STING1: variants seen among roughly 807,000 people sequenced by gnomAD.
STING1 encodes the protein stimulator of interferon genes protein.
In STING1, 19 loss-of-function variants were observed where a neutral mutation model predicts 31.6. That is an observed-to-expected ratio of 0.60 (90% CI 0.42 to 0.88). The LOEUF (loss-of-function observed/expected upper bound fraction) is 0.88. Ranked by LOEUF, STING1 falls within the 40% of genes least tolerant of loss-of-function variation. The probability of loss-of-function intolerance (pLI) is 0.00; values close to 1 mark genes in which losing one functional copy is unlikely to be tolerated. For missense variants in STING1, 371 were observed against 483.7 expected, an observed-to-expected ratio of 0.77 and a Z score of 2.19; for synonymous variants, 200 against 208.6, an observed-to-expected ratio of 0.96 and a Z score of 0.35.
At chr5:139,477,134 G>C (rs1359866816) in intron 7 of STING1, among the ~76,000 whole-genome samples, 195 bp downstream of exon 7, 1 of 152,072 alleles carries the variant, frequency 6.6e-6, no homozygotes, top group Non-Finnish European at 1.5e-5. Flanking sequence ...ACCTCTTCAG[G>C]CTCCCCTGAG....
At chr5:139,477,614 G>A in intron 6 of STING1, 99 bp from the exon 7 acceptor site, 1 of 1,224,562 alleles carries the variant, frequency 8.2e-7, no homozygotes, top group Non-Finnish European at 1.1e-6. Flanking sequence ...CACGGGCTGA[G>A]GCCCCACTCC....
rs766293227 is a variant in STING1, at chr5:139,476,255, TGG to T, written c.*4_*5del. On this transcript the variant is annotated 3_prime_UTR_variant, in exon 8 of 8. Coordinates refer to ENST00000330794, the MANE Select transcript of STING1 (RefSeq NM_198282.4). ...ACTGGAGGCTCTGGCCTGGTGACCC[TGG>T]GTCTCAAGAGAAATCCGTGCGGAGA... 31 of 1,567,696 alleles carry T rather than the reference TGG, an allele frequency of 2.0e-5. No individual in the cohort carries two copies. The East Asian group carries it at 7.3e-4, about 37-fold the overall frequency.
At position 139,481,306 on chromosome 5, in the gene STING1, G is replaced by T; in HGVS notation, c.264C>A (p.Cys88Ter). ...CCCCACGGCGGAGGGGGCAGCCCAG[G>T]CAGGCCCGCACAGTCCTCCAGTAGC... ...RGSYWRTVRA[C>*]LGCPLRRGAL... Residue 88 changes from cysteine to a stop codon, truncating the protein, a stop_gained, in exon 4 of 8, where the codon TGC becomes TGA. Coordinates refer to ENST00000330794, the MANE Select transcript of STING1 (RefSeq NM_198282.4). LOFTEE classifies it high-confidence loss of function. The surrounding 1 kb of genome is among the most constrained non-coding windows in gnomAD (Gnocchi z 4.1). The T allele has an allele frequency of 2.5e-6, 4 of 1,608,346 alleles. No homozygotes were observed. The highest frequency in any genetic ancestry group is 3.4e-6 in the Non-Finnish European group (4 of 1,177,176).
At chr5:139,480,700 G>T in intron 5 of STING1, 90 bp downstream of exon 5, 1 of 792,912 alleles carries the variant, frequency 1.3e-6, no homozygotes, top group Non-Finnish European at 2.1e-6. Flanking sequence ...GAAAAATATA[G>T]TGAGTTCTGT....
At chr5:139,476,552 T>C in intron 7 of STING1, 98 bp from the exon 8 acceptor site, 1 of 1,104,036 alleles carries the variant, frequency 9.1e-7, no homozygotes, top group Non-Finnish European at 1.3e-6. Flanking sequence ...TAACCCTCCC[T>C]ACCCCCCTTC....
intron 1 of STING1, 94 bp from the exon 2 acceptor site, chr5:139,482,396 G>C (rs1751883354): frequency 6.6e-6 from 1 of 152,224 alleles, no homozygotes; most frequent in Admixed American, 6.5e-5. Flanking sequence ...TGGGAAGGAG[G>C]GTATTTCCTG....
In STING1 at chr5:139,479,679, G is replaced by T. The variant is rs575668316; in HGVS notation, c.520+1111C>A. The stretch of plus-strand genomic sequence containing the variant: ...ATTGTGCCACTCTACTTCAGCCCGG[G>T]TGAAAAAGTGAAACTCCATCTTAAA... On this transcript the variant is annotated intron_variant, in intron 5 of 7. Transcript: ENST00000330794. 4.5e-4 allele frequency among the ~76,000 whole-genome samples: 67 copies of T among 149,286 alleles called. 1 individual carries two copies. The highest frequency in any genetic ancestry group is 3.5e-3 in the Admixed American group (52 of 14,864).
At chr5:139,478,674 C>T in intron 5 of STING1, 166 bp from the exon 6 acceptor site, 1 of 634,402 alleles carries the variant, frequency 1.6e-6, no homozygotes, top group African/African-American at 1.8e-5. Context: ...CCTCCAAAAG[C>T]CCTCCCCACC....
At chr5:139,476,513 T>G in intron 7 of STING1, 59 bp from the exon 8 acceptor site, 1 of 1,505,752 alleles carries the variant, frequency 6.6e-7, no homozygotes, top group Non-Finnish European at 9.1e-7. Flanking sequence ...CACTCAAACA[T>G]ACCTAGAGAA....
chr5:139,478,320 C>A lies in STING1; in HGVS notation c.709G>T (p.Asp237Tyr), dbSNP rs1291110297. 7.4e-6 allele frequency: 12 copies of A among 1,614,138 alleles called. No individual in the cohort carries two copies. The highest frequency in any genetic ancestry group is 3.3e-4 in the Middle Eastern group (2 of 6,062). Residue 237 changes from aspartate (D) to tyrosine (Y), a missense_variant, in exon 6 of 8, where the codon GAT (aspartate) becomes TAT (tyrosine). Coordinates refer to ENST00000330794, the MANE Select transcript of STING1 (RefSeq NM_198282.4). ...QQTGDHAGIK[D>Y]RVYSNSIYEL... ...TAGATGCTGTTGCTGTAAACCCGAT[C>A]CTTGATGCCAGCATGGTCACCGGTC... is the stretch of plus-strand genomic sequence containing the variant.
At chr5:139,480,503 C>CCACT (rs1259076654) in intron 5 of STING1, among the ~76,000 whole-genome samples, 2 of 152,098 alleles carry the variant, frequency 1.3e-5, no homozygotes, top group African/African-American at 4.8e-5. Context: ...CGAGATGGTA[C>CCACT]CACTGCACTC....
intron 5 of STING1, among the ~76,000 whole-genome samples, chr5:139,480,003 CAAAA>C (rs552338116): frequency 3.5e-3 from 311 of 89,006 alleles, no homozygotes; most frequent in Non-Finnish European, 5.2e-3. Flanking sequence ...GACTTTGTCT[CAAAA>C]AAAAAAAAAA....
At position 139,478,513 on chromosome 5, in the gene STING1, G is replaced by T; in HGVS notation, c.521-5C>A. 6.2e-7 allele frequency: 1 copy of T among 1,613,162 alleles called. No individual in the cohort carries two copies. The highest frequency in any genetic ancestry group is 8.5e-7 in the Non-Finnish European group (1 of 1,179,370). On this transcript the variant is annotated splice_region_variant and splice_polypyrimidine_tract_variant and intron_variant, in intron 5 of 7. Coordinates refer to ENST00000330794, the MANE Select transcript of STING1 (RefSeq NM_198282.4). ...TTCGAATCCGGGCCTGGAGCTCTGA[G>T]GCAGGGAAGCCCAAGAAGTTATTCC...
At chr5:139,478,128 C>T in intron 6 of STING1, 142 bp downstream of exon 6, 1 of 684,470 alleles carries the variant, frequency 1.5e-6, no homozygotes, top group Non-Finnish European at 2.6e-6. Context: ...TCATTCAGAG[C>T]TGAATCCTGC....
At position 139,481,447 on chromosome 5, in the gene STING1, T is replaced by C. The variant is rs777438401; in HGVS notation, c.227+31A>G. The C allele has an allele frequency of 6.2e-7, 1 of 1,605,392 alleles. No homozygotes were observed. The highest frequency in any genetic ancestry group is 8.5e-7 in the Non-Finnish European group (1 of 1,173,676). The stretch of plus-strand genomic sequence containing the variant: ...CATCAAGGGAGTGACACACGTTGGA[T>C]ACCCCGTCCCTGGGTACTGCAGTGA... On this transcript the variant is annotated intron_variant, in intron 3 of 7. Coordinates refer to ENST00000330794, the MANE Select transcript of STING1 (RefSeq NM_198282.4). The surrounding 1 kb of genome is among the most constrained non-coding windows in gnomAD (Gnocchi z 4.1).
rs763356779 is a variant in STING1, at chr5:139,481,518, C to A, written c.187G>T (p.Val63Phe). The A allele has an allele frequency of 1.9e-6, 3 of 1,613,818 alleles. No individual in the cohort carries two copies. The highest frequency in any genetic ancestry group is 2.7e-5 in the African/African-American group (2 of 74,908). The change falls in exon 3 of 8, where the codon GTC becomes TTC. Residue 63 changes from valine (V) to phenylalanine (F), a missense_variant. Transcript: ENST00000330794. The surrounding 1 kb of genome is among the most constrained non-coding windows in gnomAD (Gnocchi z 4.1). ...CGCAGCTCCTCAGCCAGGCTGCAGA[C>A]CCCGTTTAACAGCAGTCCCAGCTGC... Reference protein sequence around the residue: ...SLQLGLLLNGVCSLAEELRHI... With the variant: ...SLQLGLLLNGFCSLAEELRHI...
chr5:139,477,220 G>C, intron 7 of STING1, 109 bp downstream of exon 7: 1 of 1,169,458 alleles, frequency 8.6e-7, no homozygotes, highest in Non-Finnish European at 1.2e-6. Context: ...GGAAGGACAG[G>C]CCCAGGGCAT....
intron 5 of STING1, 189 bp from the exon 6 acceptor site, chr5:139,478,697 G>C (rs1561483181): frequency 6.6e-6 from 4 of 604,188 alleles, no homozygotes; most frequent in Admixed American, 5.7e-5. Context: ...TCCTCTTACT[G>C]CACCACCCTT....
chr5:139,477,357 C>T lies in STING1; in HGVS notation c.918G>A (p.Gln306=), dbSNP rs555568606. 2.0e-5 allele frequency: 32 copies of T among 1,614,104 alleles called. No homozygotes were observed. The South Asian group carries it at 3.3e-4, about 17-fold the overall frequency. ...EDILADAPES[Q]NNCRLIAYQE... is the part of the protein sequence containing the mutation. ...GGTAGGCAATGAGGCGGCAGTTGTT[C>T]TGAGACTCAGGGGCATCTGCCAGGA... The change falls in exon 7 of 8, where the codon CAG becomes CAA. Residue 306 remains glutamine, a synonymous_variant. Coordinates refer to ENST00000330794, the MANE Select transcript of STING1 (RefSeq NM_198282.4).
Sources: gnomAD v4.1 joint callset for allele counts (sites outside exome capture counted in the v4.1 genomes callset) on GRCh38, gnomAD v4.1.1 for gene constraint, Gnocchi (gnomAD v3.1) non-coding constraint, MANE v1.5 for transcripts, NCBI Gene and HGNC (gene_info 2026-07-23, HGNC 2026-07-21) for gene names.